ZFAND4: variants seen among roughly 807,000 people sequenced by gnomAD.
The protein encoded by ZFAND4 is AN1-type zinc finger protein 4.
ZFAND4 carries 43 observed loss-of-function variants against 64.4 expected under a neutral mutation model. The ratio of observed to expected loss-of-function variants is 0.67; its 90% CI spans 0.52 to 0.86. The LOEUF is 0.86. Ranked by LOEUF, ZFAND4 falls within the 40% of genes least tolerant of loss-of-function variation. ZFAND4 has a pLI of 0.00. For missense variants in ZFAND4, 929 were observed against 859.8 expected, an observed-to-expected ratio of 1.08 and a Z score of -1.01; for synonymous variants, 296 against 305.7, an observed-to-expected ratio of 0.97 and a Z score of 0.33.
intron 6 of ZFAND4, among the ~76,000 whole-genome samples, chr10:45,629,250 A>G (rs994726289): frequency 6.6e-6 from 1 of 151,954 alleles, no homozygotes; most frequent in African/African-American, 2.4e-5. Flanking sequence ...TTTTGTAGAG[A>G]TGGGGTCTCC....
intron 1 of ZFAND4, among the ~76,000 whole-genome samples, chr10:45,667,466 T>C (rs1383613841): frequency 4.4e-5 from 6 of 137,594 alleles, no homozygotes; most frequent in Admixed American, 1.5e-4. Context: ...TTCTTTTTTT[T>C]TTTTTTTTTT....
chr10:45,654,208 G>A (rs746066029), intron 2 of ZFAND4, among the ~76,000 whole-genome samples: 2 of 152,132 alleles, frequency 1.3e-5, no homozygotes, highest in Non-Finnish European at 2.9e-5. Context: ...TACCTATCGA[G>A]TACTATGCTC....
In ZFAND4 at chr10:45,663,708, C is replaced by T. The variant is rs780613736; in HGVS notation, c.18G>A (p.Glu6=). Residue 6 remains glutamate (E), a synonymous_variant, in exon 2 of 10, where the codon GAG becomes GAA. Transcript: ENST00000344646. MDNRK[E]PPFFNDDNMG... ...TGTTATCATCATTGAAGAATGGAGG[C>T]TCTTTTCTGTTATCCATTACTTTGA... 6.2e-7 allele frequency: 1 copy of T among 1,600,038 alleles called. No homozygotes were observed. The highest frequency in any genetic ancestry group is 8.5e-7 in the Non-Finnish European group (1 of 1,176,662).
intron 2 of ZFAND4, among the ~76,000 whole-genome samples, chr10:45,658,036 A>G (rs950706928): frequency 2.0e-5 from 3 of 152,326 alleles, no homozygotes; most frequent in African/African-American, 7.2e-5. Context: ...AATGTCTGCC[A>G]ACACCAACAG....
intron 5 of ZFAND4, among the ~76,000 whole-genome samples, chr10:45,640,725 C>T (rs113986787): frequency 0.029 from 4,440 of 152,240 alleles, 78 homozygotes; most frequent in East Asian, 0.053. Flanking sequence ...CTCCTGACCT[C>T]GTGATCCGCC....
At position 45,626,981 on chromosome 10, in the gene ZFAND4, G is replaced by A; in HGVS notation, c.842C>T (p.Pro281Leu). 6.2e-7 allele frequency: 1 copy of A among 1,614,074 alleles called. No homozygotes were observed. The highest frequency in any genetic ancestry group is 1.7e-5 in the Admixed American group (1 of 60,002). The change falls in exon 7 of 10, where the codon CCT becomes CTT. Residue 281 changes from proline (P) to leucine (L), a missense_variant. Transcript: ENST00000344646. ...GGGCGGATATGCATTCCCAAAAGCA[G>A]GTGAACAAGATTGACCAATGTTGGG... ...VLPNIGQSCS[P>L]AFGNAYPPEI...
At chr10:45,655,158 C>A (rs551415854) in intron 2 of ZFAND4, among the ~76,000 whole-genome samples, 63 of 152,280 alleles carry the variant, frequency 4.1e-4, no homozygotes, top group African/African-American at 1.1e-3. Flanking sequence ...GTATCCCCCC[C>A]AGACCACAGT....
chr10:45,634,217 C>T (rs1359285048), intron 6 of ZFAND4, among the ~76,000 whole-genome samples: 1 of 152,142 alleles, frequency 6.6e-6, no homozygotes, highest in East Asian at 1.9e-4. Context: ...AGTCTTATAA[C>T]ATTTCTAAAT....
chr10:45,635,214 C>CAAAAAAAAAAAAAAAAAAAA (rs76130878), intron 6 of ZFAND4, among the ~76,000 whole-genome samples: 13 of 68,254 alleles, frequency 1.9e-4, no homozygotes, highest in African/African-American at 2.8e-4. Flanking sequence ...AAAAAAAAAA[C>CAAAAAAAAAAAAAAAAAAAA]AAAAAAAAAA....
Position 45,626,032 on chromosome 10 carries a change from C to G in ZFAND4, c.1791G>C (p.Gly597=), listed in dbSNP as rs1271531114. 3 of 1,614,114 alleles carry G rather than the reference C, an allele frequency of 1.9e-6. No homozygotes were observed. Among genetic ancestry groups the G allele is most frequent in the Non-Finnish European group, 2.5e-6 (3 of 1,180,032 alleles). The change falls in exon 7 of 10, where the codon GGG becomes GGC. Residue 597 remains glycine (G), a synonymous_variant. Transcript: ENST00000344646. ...GAAAATGCTGGAGGTTTGTAGACAG[C>G]CCAGTTCCAGAGTTCTGAAGCCTGC... ...GAGRLQNSGT[G]LSTNLQHFQE...
rs1213608581 is a variant in ZFAND4, at chr10:45,672,645, C to A, written c.-513G>T. ...GCTCAGCGGCTCGCAGCCCGGGCGC[C>A]CCCCCTGCCGGCCGCTCGCTAGCTC... On this transcript the variant is annotated 5_prime_UTR_variant, in exon 1 of 10. Transcript: ENST00000344646. 2.6e-5 allele frequency: 4 copies of A among 151,910 alleles called. No individual in the cohort carries two copies. Among genetic ancestry groups the A allele is most frequent in the African/African-American group, 4.8e-5 (2 of 41,414 alleles). The allele number at this position is 151,910 out of a possible 1,614,324, so 9.4% of individuals were successfully genotyped here. A position where few individuals can be genotyped will look rare whatever the true frequency, so the allele number is the denominator to read the frequency against.
intron 5 of ZFAND4, among the ~76,000 whole-genome samples, chr10:45,647,767 T>G (rs2047485812): frequency 6.6e-6 from 1 of 152,108 alleles, no homozygotes; most frequent in Non-Finnish European, 1.5e-5. Flanking sequence ...CTTAATAACT[T>G]GAAGTGAAAG....
At chr10:45,642,993 C>T (rs1564598110) in intron 5 of ZFAND4, among the ~76,000 whole-genome samples, 2 of 146,948 alleles carry the variant, frequency 1.4e-5, no homozygotes, top group Admixed American at 1.4e-4. Flanking sequence ...TCTCGGCTCA[C>T]CGCAACCTCC....
chr10:45,618,010 A>G lies in ZFAND4; in HGVS notation c.2048+130T>C, dbSNP rs1300433274. On this transcript the variant is annotated intron_variant, in intron 9 of 9. Transcript: ENST00000344646. ...TTTACTTCAGCCAATTAGAAGTTCA[A>G]CTGAAGATAGCTATTGAACATCATC... is the stretch of plus-strand genomic sequence containing the variant. 9.4e-6 allele frequency: 9 copies of G among 959,024 alleles called. No individual in the cohort carries two copies. In the Admixed American group the frequency reaches 2.0e-4, roughly 21 times the overall value. 59.4% of individuals were successfully genotyped at this position (959,024 alleles called of 1,614,324 possible). A position where few individuals can be genotyped will look rare whatever the true frequency, so the allele number is the denominator to read the frequency against.
At chr10:45,628,077 C>T (rs2045961795) in intron 6 of ZFAND4, among the ~76,000 whole-genome samples, 1 of 152,146 alleles carries the variant, frequency 6.6e-6, no homozygotes. Flanking sequence ...CACAAAAATT[C>T]AAGATCTTAT....
At chr10:45,625,311 A>G (rs540422809) in intron 7 of ZFAND4, among the ~76,000 whole-genome samples, 7 of 148,096 alleles carry the variant, frequency 4.7e-5, no homozygotes, top group African/African-American at 1.7e-4. Flanking sequence ...TCTCTACTAA[A>G]AATACAAAAA....
At chr10:45,663,512 C>T (rs761565125) in intron 2 of ZFAND4, 30 bp downstream of exon 2, 1 of 1,525,862 alleles carries the variant, frequency 6.6e-7, no homozygotes, top group Non-Finnish European at 8.8e-7. Context: ...ATTTAATTTT[C>T]ATATCCTAAA....
intron 8 of ZFAND4, 146 bp from the exon 9 acceptor site, chr10:45,618,406 C>T: frequency 9.8e-7 from 1 of 1,021,888 alleles, no homozygotes; most frequent in Non-Finnish European, 1.4e-6. Context: ...TCTAAAATTA[C>T]TTATAAAATC....
intron 5 of ZFAND4, among the ~76,000 whole-genome samples, chr10:45,646,240 C>T (rs745544759): frequency 1.3e-5 from 2 of 152,150 alleles, no homozygotes; most frequent in African/African-American, 2.4e-5. Context: ...TGTTTTCTCT[C>T]GTTACATAAG....
Sources: allele counts gnomAD v4.1 joint callset (sites outside exome capture counted in the v4.1 genomes callset), GRCh38; gene constraint gnomAD v4.1.1; transcripts MANE v1.5; gene names NCBI Gene and HGNC (gene_info 2026-07-23, HGNC 2026-07-21).